SLC4A2: variants seen among roughly 807,000 people sequenced by gnomAD.
SLC4A2 encodes anion exchange protein 2.
In SLC4A2, 36 loss-of-function variants were observed where a neutral mutation model predicts 115.0. That is an observed-to-expected ratio of 0.31 (90% CI 0.24 to 0.41). SLC4A2 has a LOEUF of 0.41. SLC4A2 is among the 10% of genes least tolerant of loss of function. The probability of loss-of-function intolerance (pLI) is 1.00; values close to 1 mark genes in which losing one functional copy is unlikely to be tolerated. For missense variants in SLC4A2, 1,252 were observed against 1,705.6 expected (o/e 0.73, Z 4.68); for synonymous variants, 708 against 708.3 (o/e 1.00, Z 0.01).
At chr7:151,063,877 C>T (rs1033268352) in intron 2 of SLC4A2, among the ~76,000 whole-genome samples, 1 of 152,004 alleles carries the variant, frequency 6.6e-6, no homozygotes, top group Non-Finnish European at 1.5e-5. Context: ...TACTGGTGTC[C>T]GCCACCACGC....
At chr7:151,065,584 C>T (rs1797200544) in intron 5 of SLC4A2, among the ~76,000 whole-genome samples, 2 of 152,196 alleles carry the variant, frequency 1.3e-5, no homozygotes, top group Admixed American at 6.5e-5. Context: ...TCACTACTAT[C>T]ACGGACCTGT....
chr7:151,068,102 T>G, intron 8 of SLC4A2, 48 bp downstream of exon 8: 1 of 1,354,738 alleles, frequency 7.4e-7, no homozygotes, highest in Non-Finnish European at 9.7e-7. Context: ...CCCAGGAAAT[T>G]CTCCCACATG....
chr7:151,076,298 C>G lies in SLC4A2; in HGVS notation c.3657C>G (p.Asn1219Lys), dbSNP rs35551617. ...CTCCCCACACACAGCTGGATGCTAACGAGGCAGAGCCGGTGTTTGATGAGC... is the reference window on the plus strand; with the variant it reads ...CTCCCCACACACAGCTGGATGCTAAGGAGGCAGAGCCGGTGTTTGATGAGC... ...TDREMKCLDANEAEPVFDERE... is the reference protein window; with the variant it reads ...TDREMKCLDAKEAEPVFDERE... Residue 1219 changes from asparagine (N) to lysine (K), a missense_variant, in exon 23 of 23, where the codon AAC becomes AAG. By Grantham distance (94) the Asn-to-Lys change is moderately conservative (BLOSUM62 0). Coordinates refer to ENST00000413384, the MANE Select transcript of SLC4A2 (RefSeq NM_003040.4). 5 of 1,554,562 alleles carry G rather than the reference C, an allele frequency of 3.2e-6. No individual in the cohort carries two copies. Among genetic ancestry groups the G allele is most frequent in the Non-Finnish European group, 3.5e-6 (4 of 1,147,816 alleles).
In SLC4A2 at chr7:151,076,020, C is replaced by A. The variant is rs1169925052; in HGVS notation, c.3479C>A (p.Thr1160Asn). The A allele has an allele frequency of 6.2e-7, 1 of 1,603,738 alleles. No homozygotes were observed. The highest frequency in any genetic ancestry group is 8.5e-7 in the Non-Finnish European group (1 of 1,175,120). ...CCTGTCTCCGCCCCCCAGGTCCGGA[C>A]CCTCCGTATGCACCTGTTCACGGCC... is the stretch of plus-strand genomic sequence containing the variant. ...PDVTYVKKVR[T>N]LRMHLFTALQ... Residue 1160 changes from threonine to asparagine, a missense_variant, in exon 22 of 23, where the codon ACC (threonine) becomes AAC (asparagine). Transcript: ENST00000413384.
chr7:151,076,102 G>C lies in SLC4A2; in HGVS notation c.3561G>C (p.Leu1187=). ...LWAVMSTAAS[L]AFPFILILTV... is the part of the protein sequence containing the mutation. Reference sequence around the variant, plus strand: ...CCGTCATGTCCACAGCTGCCTCCCTGGCCTTCCCCTTCATCCTCATCCTCA... The same window carrying C: ...CCGTCATGTCCACAGCTGCCTCCCTCGCCTTCCCCTTCATCCTCATCCTCA... The change falls in exon 22 of 23, where the codon CTG becomes CTC. Residue 1187 remains leucine, a synonymous_variant. Coordinates refer to ENST00000413384, the MANE Select transcript of SLC4A2 (RefSeq NM_003040.4). 6.2e-7 allele frequency: 1 copy of C among 1,610,962 alleles called. No homozygotes were observed. The highest frequency in any genetic ancestry group is 8.5e-7 in the Non-Finnish European group (1 of 1,179,970).
chr7:151,074,049 A>T lies in SLC4A2; in HGVS notation c.2546A>T (p.Glu849Val). 1 of 1,579,950 alleles carries T rather than the reference A, an allele frequency of 6.3e-7. No homozygotes were observed. The highest frequency in any genetic ancestry group is 8.6e-7 in the Non-Finnish European group (1 of 1,158,220). ...GCCTCCTCTCCCCAGATCTTCCAGG[A>T]GCACCCCCTGCATGGCTGCTCAGCC... ...TFYKLVKIFQ[E>V]HPLHGCSASN... The change falls in exon 17 of 23, where the codon GAG becomes GTG. Residue 849 changes from glutamate to valine, a missense_variant. Coordinates refer to ENST00000413384, the MANE Select transcript of SLC4A2 (RefSeq NM_003040.4).
At chr7:151,064,126 C>G in intron 2 of SLC4A2, 76 bp from the exon 3 acceptor site, 1 of 1,492,470 alleles carries the variant, frequency 6.7e-7, no homozygotes. Context: ...GGGTCTCTGG[C>G]ACTGGGAAGG....
chr7:151,070,247 G>T lies in SLC4A2; in HGVS notation c.1350G>T (p.Leu450=). The stretch of plus-strand genomic sequence containing the variant: ...TCTCAGCTGGCTCCCTGGGCTCCCT[G>T]CTGGGGCATCACCATGGTCAGGGGG... The part of the protein sequence containing the change: ...RNISAGSLGS[L]LGHHHGQGAE... Residue 450 remains leucine, a synonymous_variant, in exon 10 of 23, where the codon CTG becomes CTT. Coordinates refer to ENST00000413384, the MANE Select transcript of SLC4A2 (RefSeq NM_003040.4). The T allele has an allele frequency of 4.3e-6, 7 of 1,614,056 alleles. No homozygotes were observed. Among genetic ancestry groups the T allele is most frequent in the Non-Finnish European group, 5.9e-6 (7 of 1,180,030 alleles).
In SLC4A2 at chr7:151,068,162, G is replaced by A. The variant is rs1201920680; in HGVS notation, c.1147+108G>A. The A allele has an allele frequency of 3.4e-5, 28 of 830,564 alleles. No individual in the cohort carries two copies. The South Asian group carries it at 6.8e-4, about 20-fold the overall frequency. The allele number at this position is 830,564 out of a possible 1,614,324, so 51.4% of individuals were successfully genotyped here. ...CGTTGTGTGACAGCCCCAGAGCCCA[G>A]AGGAAGCATGGTCCACACCCAGCTC... On this transcript the variant is annotated intron_variant, in intron 8 of 22. Coordinates refer to ENST00000413384, the MANE Select transcript of SLC4A2 (RefSeq NM_003040.4).
At chr7:151,061,666 C>A (rs1053103128) in intron 1 of SLC4A2, 2 of 366,986 alleles carry the variant, frequency 5.4e-6, no homozygotes, top group Non-Finnish European at 1.0e-5. Context: ...ATTTTTCTTG[C>A]GGCCTTTCCC....
At chr7:151,062,475 AC>A (rs35483318) in intron 2 of SLC4A2, 42,494 of 743,218 alleles carry the variant, frequency 0.057, 1,266 homozygotes, top group African/African-American at 0.18. Context: ...CCACGTGGCC[AC>A]CGCTCCACAT....
chr7:151,063,192 G>T, intron 2 of SLC4A2: 2 of 1,441,440 alleles, frequency 1.4e-6, no homozygotes, highest in Non-Finnish European at 1.8e-6. Flanking sequence ...TGACTCAGGT[G>T]GGGGCTGTGG....
Position 151,074,190 on chromosome 7 carries a change from G to A in SLC4A2, c.2687G>A (p.Gly896Asp), listed in dbSNP as rs772100666. 26 of 1,613,064 alleles carry A rather than the reference G, an allele frequency of 1.6e-5. No individual in the cohort carries two copies. The highest frequency in any genetic ancestry group is 2.2e-5 in the Non-Finnish European group (26 of 1,180,006). Residue 896 changes from glycine to aspartate, a missense_variant, in exon 17 of 23, where the codon GGC becomes GAC. Gly to Asp is a moderately conservative substitution (Grantham distance 94). This residue lies in a region of SLC4A2 where 55 missense variants were observed against 48.6 expected (regional missense o/e 1.13). Coordinates refer to ENST00000413384, the MANE Select transcript of SLC4A2 (RefSeq NM_003040.4). ...CAGTCTGGGCAGGGGAAGCCCCGGG[G>A]CCAGCCCAACACGGCCCTGCTGTCG... Reference protein sequence around the residue: ...AGQSGQGKPRGQPNTALLSLV... With the variant: ...AGQSGQGKPRDQPNTALLSLV...
At chr7:151,066,381 C>G (rs1797231573) in intron 5 of SLC4A2, 136 bp from the exon 6 acceptor site, 3 of 1,053,784 alleles carry the variant, frequency 2.8e-6, no homozygotes, top group African/African-American at 3.2e-5. Flanking sequence ...CTCCCCGTGC[C>G]CGCACCTCCC....
At chr7:151,062,869 A>T (rs1023541447) in intron 2 of SLC4A2, 1 of 1,385,942 alleles carries the variant, frequency 7.2e-7, no homozygotes, top group African/African-American at 1.5e-5. Context: ...TGCCAGTCCC[A>T]GCTGCTCCAG....
At position 151,064,211 on chromosome 7, in the gene SLC4A2, G is replaced by A. The variant is rs387907525; in HGVS notation, c.61G>A (p.Glu21Lys). 1 of 1,612,314 alleles carries A rather than the reference G, an allele frequency of 6.2e-7. No homozygotes were observed. The highest frequency in any genetic ancestry group is 8.5e-7 in the Non-Finnish European group (1 of 1,179,910). ...GADSFCTPEP[E>K]SLGPGTPGFP... ...GCCTTCTTCCTCACAGCCAGAGCCA[G>A]AGAGCTTGGGCCCTGGGACGCCTGG... Residue 21 changes from glutamate to lysine, a missense_variant, in exon 3 of 23, where the codon GAG becomes AAG. Glu to Lys is a moderately conservative substitution (Grantham distance 56). Coordinates refer to ENST00000413384, the MANE Select transcript of SLC4A2 (RefSeq NM_003040.4).
rs746816423 is a variant in SLC4A2, at chr7:151,072,063, G to A, written c.2462G>A (p.Arg821His). The A allele has an allele frequency of 1.4e-5, 23 of 1,613,906 alleles. No homozygotes were observed. Among genetic ancestry groups the A allele is most frequent in the South Asian group, 4.4e-5 (4 of 91,078 alleles). The change falls in exon 16 of 23, where the codon CGC becomes CAC. Residue 821 changes from arginine (R) to histidine (H), a missense_variant. Physicochemically the swap from Arg to His is conservative, Grantham distance 29 (BLOSUM62 0). Coordinates refer to ENST00000413384, the MANE Select transcript of SLC4A2 (RefSeq NM_003040.4). ...AGCTTCCTGGTCCGCTTCGTCTCCC[G>A]CTTCACCCAGGAGATCTTCGCCTTC... ...EGSFLVRFVS[R>H]FTQEIFAFLI...
In SLC4A2 at chr7:151,074,379, C is replaced by CG; in HGVS notation, c.2791-19dup. 1 of 1,612,530 alleles carries CG rather than the reference C, an allele frequency of 6.2e-7. No homozygotes were observed. The highest frequency in any genetic ancestry group is 8.5e-7 in the Non-Finnish European group (1 of 1,179,510). On this transcript the variant is annotated intron_variant, in intron 17 of 22. Transcript: ENST00000413384. ...GCGGCTGTGGTGGCAGGACTCTGAG[C>CG]GCTGTGCCTGCCCACTCAGATCCGG...
In SLC4A2 at chr7:151,061,956, G is replaced by T. The variant is rs542892765; in HGVS notation, c.-32G>T. 1 of 1,604,558 alleles carries T rather than the reference G, an allele frequency of 6.2e-7. No homozygotes were observed. The highest frequency in any genetic ancestry group is 1.7e-5 in the Admixed American group (1 of 59,606). The stretch of plus-strand genomic sequence containing the variant: ...CCTCCGCCTCGTTGCCCTGAAAGCC[G>T]CAGCGACAGCGAAAAGGGCTAAGAT... On this transcript the variant is annotated 5_prime_UTR_variant, in exon 2 of 23. Transcript: ENST00000413384.
Sources: gnomAD v4.1 joint callset for allele counts (sites outside exome capture counted in the v4.1 genomes callset) on GRCh38, gnomAD v4.1.1 for gene constraint, gnomAD v4.1.1 regional missense constraint, MANE v1.5 for transcripts, NCBI Gene and HGNC (gene_info 2026-07-23, HGNC 2026-07-21) for gene names.